The following SPACA6 variants were observed in gnomAD, a reference collection of about 807,000 sequenced individuals.
The protein encoded by SPACA6 is sperm acrosome associated 6, also known as sperm acrosome membrane-associated protein 6.
For synonymous variants in SPACA6, 6 were observed against 1.5 expected, an observed-to-expected ratio of 4.05 and a Z score of -2.21; for missense variants, 8 against 2.8, an observed-to-expected ratio of 2.88 and a Z score of -1.34.
At chr19:51,702,544 G>A (rs2083477344) in intron 3 of SPACA6, 85 bp from the exon 4 acceptor site, 1 of 397,280 alleles carries the variant, frequency 2.5e-6, no homozygotes, top group Admixed American at 4.4e-5. Flanking sequence ...GCAATGCTTC[G>A]GGCCTTGTAA....
upstream of SPACA6, chr19:51,692,945 G>C: frequency 4.1e-6 from 2 of 486,512 alleles, no homozygotes; most frequent in Non-Finnish European, 8.5e-6. This position sits in a 1 kb window ranked among gnomAD's most constrained non-coding sequence, Gnocchi z 5.6. Context: ...CTGCCCCAGG[G>C]ACCCTGGGAG....
the SPACA6 span, among the ~76,000 whole-genome samples, chr19:51,683,093 A>G: frequency 6.6e-6 from 1 of 152,194 alleles, no homozygotes; most frequent in Non-Finnish European, 1.5e-5. Flanking sequence ...TGTGGAGGCT[A>G]GAAGTTAGAA....
intron 2 of SPACA6, among the ~76,000 whole-genome samples, chr19:51,696,784 G>A (rs1427825871): frequency 1.3e-5 from 2 of 152,114 alleles, no homozygotes; most frequent in African/African-American, 4.8e-5. Context: ...CAGGGCAGGT[G>A]GAAATGACAG....
downstream of SPACA6, among the ~76,000 whole-genome samples, chr19:51,707,230 C>CTT (rs57130350): frequency 4.2e-5 from 6 of 141,226 alleles, no homozygotes; most frequent in East Asian, 2.1e-4. Flanking sequence ...CTCTCTCTCC[C>CTT]TTTTTTTTTT....
chr19:51,698,903 A>T (rs780982303), intron 2 of SPACA6, among the ~76,000 whole-genome samples: 1 of 151,884 alleles, frequency 6.6e-6, no homozygotes. Context: ...CCCAGGGAGT[A>T]GCCCTTGTCC....
chr19:51,708,551 G>A (rs1228559412), downstream of SPACA6, among the ~76,000 whole-genome samples: 1 of 152,160 alleles, frequency 6.6e-6, no homozygotes, highest in Non-Finnish European at 1.5e-5. Context: ...AGGTGGCCAG[G>A]CGAGGTGACT....
chr19:51,696,178 C>T (rs2083429540), intron 2 of SPACA6, among the ~76,000 whole-genome samples: 1 of 152,046 alleles, frequency 6.6e-6, no homozygotes, highest in Middle Eastern at 3.2e-3. Context: ...GTAGAAAGAA[C>T]CCTCTGGGGT....
At chr19:51,709,148 G>T (rs2083530238), downstream of SPACA6, among the ~76,000 whole-genome samples, 1 of 151,658 alleles carries the variant, frequency 6.6e-6, no homozygotes, top group African/African-American at 2.4e-5. Flanking sequence ...AGCTTGAGAG[G>T]TCAAGGCTGC....
chr19:51,696,313 C>G (rs778299222), intron 2 of SPACA6, among the ~76,000 whole-genome samples: 2 of 152,020 alleles, frequency 1.3e-5, no homozygotes, highest in Non-Finnish European at 2.9e-5. Context: ...CACCTGTCCT[C>G]GGGTTGCTTA....
intron 2 of SPACA6, among the ~76,000 whole-genome samples, chr19:51,710,714 G>A (rs2083537672): frequency 1.3e-5 from 2 of 152,208 alleles, no homozygotes; most frequent in African/African-American, 4.8e-5. Flanking sequence ...GGGTATAGAT[G>A]GGTAAGAGAC....
At chr19:51,691,353 G>C (rs1055985773), upstream of SPACA6, among the ~76,000 whole-genome samples, 7 of 151,628 alleles carry the variant, frequency 4.6e-5, no homozygotes, top group Admixed American at 2.0e-4. Flanking sequence ...AGAGGGAAGG[G>C]GCGGAGGGAG....
chr19:51,702,630 C>A lies in SPACA6; in HGVS notation c.363C>A (p.Ala121=), dbSNP rs969527679. 2 of 399,260 alleles carry A rather than the reference C, an allele frequency of 5.0e-6. No homozygotes were observed. The highest frequency in any genetic ancestry group is 8.8e-6 in the Non-Finnish European group (2 of 226,232). 24.7% of individuals were successfully genotyped at this position (399,260 alleles called of 1,614,324 possible). A position where few individuals can be genotyped will look rare whatever the true frequency, so the allele number is the denominator to read the frequency against. ...GTGATGTTTCCTCTTCCTCCACAGC[C>A]CAGGCTTGCATCCCTCCCTGCGGTA... is the stretch of plus-strand genomic sequence containing the variant. The part of the protein sequence containing the change: ...MKKVITQLKE[A]QACIPPCGLQ... Residue 121 remains alanine (A), a splice_region_variant and synonymous_variant, in exon 4 of 9, where the codon GCC becomes GCA. Coordinates refer to ENST00000637797, the MANE Select transcript of SPACA6 (RefSeq NM_001316972.2).
upstream of SPACA6, among the ~76,000 whole-genome samples, chr19:51,688,894 GGAAAGAGGGA>G (rs1239390357): frequency 8.5e-6 from 1 of 117,688 alleles, no homozygotes; most frequent in Non-Finnish European, 1.8e-5. Flanking sequence ...AGAGGAGGAG[GGAAAGAGGGA>G]GAGAGAGAGA....
chr19:51,697,043 G>A (rs1014749033), intron 2 of SPACA6, among the ~76,000 whole-genome samples: 1 of 152,160 alleles, frequency 6.6e-6, no homozygotes, highest in African/African-American at 2.4e-5. Flanking sequence ...GCAGATTTCT[G>A]GGCTTCACCA....
the SPACA6 span, among the ~76,000 whole-genome samples, chr19:51,683,555 G>A: frequency 6.6e-6 from 1 of 151,928 alleles, no homozygotes; most frequent in Admixed American, 6.6e-5. Context: ...AATGAGGATG[G>A]GAAAGAATAC....
downstream of SPACA6, among the ~76,000 whole-genome samples, chr19:51,708,198 G>A (rs778889203): frequency 2.6e-5 from 4 of 152,008 alleles, no homozygotes; most frequent in Non-Finnish European, 5.9e-5. Context: ...TAGAACAAAC[G>A]ATGCTGTTAT....
intron 2 of SPACA6, among the ~76,000 whole-genome samples, chr19:51,698,271 A>C (rs2122210147): frequency 6.6e-6 from 1 of 152,310 alleles, no homozygotes; most frequent in East Asian, 1.9e-4. Flanking sequence ...AACCAGGGTC[A>C]GAGCTCCTGA....
chr19:51,704,604 G>C, intron 8 of SPACA6, 124 bp downstream of exon 8: 1 of 399,262 alleles, frequency 2.5e-6, no homozygotes, highest in African/African-American at 2.1e-5. Context: ...TCCTCTCTCA[G>C]ACCCACGAGT....
chr19:51,690,834 C>T (rs2083363951), upstream of SPACA6, among the ~76,000 whole-genome samples: 1 of 151,966 alleles, frequency 6.6e-6, no homozygotes, highest in Non-Finnish European at 1.5e-5. Flanking sequence ...CTCCCCTCAC[C>T]CTCCTCCTCA....
Sources: gnomAD v4.1 joint callset for allele counts (sites outside exome capture counted in the v4.1 genomes callset) on GRCh38, gnomAD v4.1.1 for gene constraint, Gnocchi (gnomAD v3.1) non-coding constraint, MANE v1.5 for transcripts, NCBI Gene and HGNC (gene_info 2026-07-23, HGNC 2026-07-21) for gene names.